ATXN7L1: variants seen among roughly 807,000 people sequenced by gnomAD.
ATXN7L1 encodes ataxin 7 like 1.
Under a neutral mutation model 70.8 loss-of-function variants are expected in ATXN7L1, and 15 were observed. That is an observed-to-expected ratio of 0.21 (90% CI 0.14 to 0.33). The LOEUF (loss-of-function observed/expected upper bound fraction) is 0.33. Ranked by LOEUF, ATXN7L1 falls within the 10% of genes least tolerant of loss-of-function variation. ATXN7L1 has a pLI of 1.00. For synonymous variants in ATXN7L1, 440 were observed against 445.1 expected (o/e 0.99, Z 0.14); for missense variants, 975 against 1,097.1 (o/e 0.89, Z 1.57).
intron 4 of ATXN7L1, among the ~76,000 whole-genome samples, chr7:105,662,045 TCC>T (rs1801726916): frequency 8.4e-6 from 1 of 119,204 alleles, no homozygotes; most frequent in Non-Finnish European, 1.8e-5. Flanking sequence ...CTTCCTTCCT[TCC>T]TTCCTTCCTT....
chr7:105,635,418 C>T (rs553329836), intron 7 of ATXN7L1, among the ~76,000 whole-genome samples: 13 of 152,256 alleles, frequency 8.5e-5, no homozygotes, highest in Non-Finnish European at 1.6e-4. Context: ...GCATTCACTG[C>T]CTTTGCCTTC....
chr7:105,727,773 TATATACAC>T (rs1259350765), intron 3 of ATXN7L1, among the ~76,000 whole-genome samples: 7 of 124,246 alleles, frequency 5.6e-5, no homozygotes, highest in African/African-American at 2.2e-4. Flanking sequence ...TATATATATA[TATATACAC>T]ACACATACAC....
intron 2 of ATXN7L1, among the ~76,000 whole-genome samples, chr7:105,826,055 C>A (rs552250498): frequency 1.3e-5 from 2 of 151,732 alleles, no homozygotes; most frequent in Admixed American, 1.3e-4. Context: ...ATATATATAC[C>A]CTTTATAGAG....
chr7:105,667,128 G>A (rs1235481360), intron 3 of ATXN7L1, among the ~76,000 whole-genome samples: 5 of 152,192 alleles, frequency 3.3e-5, no homozygotes, highest in African/African-American at 1.2e-4. Flanking sequence ...GGGGGAATTC[G>A]TCCTTTGTAA....
chr7:105,676,752 A>G (rs554448464), intron 3 of ATXN7L1, among the ~76,000 whole-genome samples: 1 of 152,272 alleles, frequency 6.6e-6, no homozygotes, highest in East Asian at 1.9e-4. Context: ...AGGCAGGAGA[A>G]TCGCTTGAAC....
At position 105,613,842 on chromosome 7, in the gene ATXN7L1, G is replaced by C; in HGVS notation, c.2472+20C>G. The stretch of plus-strand genomic sequence containing the variant: ...CCTGCCCCCCAGAGCCGGTGAAGGC[G>C]GTGCCAGGAGGTCCCTTACCTGCCG... On this transcript the variant is annotated intron_variant, in intron 10 of 11. Coordinates refer to ENST00000419735, the MANE Select transcript of ATXN7L1 (RefSeq NM_020725.2). 4.5e-6 allele frequency: 7 copies of C among 1,551,780 alleles called. No homozygotes were observed. Among genetic ancestry groups the C allele is most frequent in the Non-Finnish European group, 6.1e-6 (7 of 1,147,022 alleles).
chr7:105,637,411 G>A (rs528806049), intron 7 of ATXN7L1, among the ~76,000 whole-genome samples: 6 of 152,242 alleles, frequency 3.9e-5, no homozygotes, highest in East Asian at 1.9e-4. Context: ...AGATAATACC[G>A]TTATCTGCAC....
At chr7:105,862,738 G>C (rs973006935) in intron 2 of ATXN7L1, among the ~76,000 whole-genome samples, 1 of 152,174 alleles carries the variant, frequency 6.6e-6, no homozygotes, top group Non-Finnish European at 1.5e-5. Flanking sequence ...GGTGACACCA[G>C]CTCCTCTGGG....
chr7:105,851,118 C>T (rs1490199531), intron 2 of ATXN7L1, among the ~76,000 whole-genome samples: 1 of 152,130 alleles, frequency 6.6e-6, no homozygotes, highest in Admixed American at 6.5e-5. Context: ...ATTTCTCAGA[C>T]CTGCCCTCTC....
chr7:105,641,710 G>T (rs758690258), intron 5 of ATXN7L1, among the ~76,000 whole-genome samples: 5 of 152,246 alleles, frequency 3.3e-5, no homozygotes, highest in Admixed American at 1.3e-4. Flanking sequence ...GCTCCCGCCC[G>T]AACTGTGAGG....
chr7:105,789,828 GGCAA>G (rs1475364350), intron 2 of ATXN7L1, among the ~76,000 whole-genome samples: 4 of 151,862 alleles, frequency 2.6e-5, no homozygotes, highest in African/African-American at 9.7e-5. Context: ...TCAGTTACGT[GGCAA>G]TACCTCCGAG....
intron 3 of ATXN7L1, among the ~76,000 whole-genome samples, chr7:105,725,015 T>A (rs1408211863): frequency 6.6e-6 from 1 of 152,072 alleles, no homozygotes; most frequent in Non-Finnish European, 1.5e-5. Context: ...TGGTGCCCTA[T>A]AAAGATTGGT....
chr7:105,840,112 C>G lies in ATXN7L1; in HGVS notation c.250+35700G>C, dbSNP rs1812984189. 2.0e-5 allele frequency among the ~76,000 whole-genome samples: 3 copies of G among 152,310 alleles called. No homozygotes were observed. The South Asian group carries it at 6.2e-4, about 32-fold the overall frequency. ...CAGGGACTCTGCCGGCAGGCAGTGG[C>G]TGGGCCTGGGAGGGCCCACAAGGGC... On this transcript the variant is annotated intron_variant, in intron 2 of 11. Coordinates refer to ENST00000419735, the MANE Select transcript of ATXN7L1 (RefSeq NM_020725.2).
In ATXN7L1 at chr7:105,649,420, G is replaced by T. The variant is rs181502766; in HGVS notation, c.579-6299C>A. The T allele has an allele frequency of 3.0e-5, 30 of 987,622 alleles. No homozygotes were observed. In the African/African-American group the frequency reaches 4.2e-4, roughly 14 times the overall value. 61.2% of individuals were successfully genotyped at this position (987,622 alleles called of 1,614,324 possible). On this transcript the variant is annotated intron_variant, in intron 4 of 11. Coordinates refer to ENST00000419735, the MANE Select transcript of ATXN7L1 (RefSeq NM_020725.2). The stretch of plus-strand genomic sequence containing the variant: ...GGCGATATCTACCTCTGTTTCTTTT[G>T]TGCTGCTTTAGTTGCCCACGTCTTC...
At chr7:105,811,771 A>G (rs1808471795) in intron 2 of ATXN7L1, among the ~76,000 whole-genome samples, 1 of 152,140 alleles carries the variant, frequency 6.6e-6, no homozygotes, top group African/African-American at 2.4e-5. Context: ...TCTGAGTTGG[A>G]GCAGCCCAGG....
chr7:105,794,446 TA>T, intron 2 of ATXN7L1, among the ~76,000 whole-genome samples: 1 of 152,356 alleles, frequency 6.6e-6, no homozygotes, highest in Admixed American at 6.5e-5. Flanking sequence ...CGGCATCCAC[TA>T]CAAACCAGGA....
At chr7:105,864,493 G>A (rs1216692101) in intron 2 of ATXN7L1, among the ~76,000 whole-genome samples, 1 of 144,694 alleles carries the variant, frequency 6.9e-6, no homozygotes, top group Non-Finnish European at 1.5e-5. Flanking sequence ...GGACATTCCT[G>A]GTTCCTGTGC....
chr7:105,699,745 T>C (rs1792202020), intron 3 of ATXN7L1, among the ~76,000 whole-genome samples: 1 of 152,202 alleles, frequency 6.6e-6, no homozygotes, highest in African/African-American at 2.4e-5. Context: ...ACCATGATGA[T>C]TGCCCCATCA....
rs1279858721 is a variant in ATXN7L1, at chr7:105,642,922, C to T, written c.778G>A (p.Gly260Ser). Residue 260 changes from glycine (G) to serine (S), a missense_variant, in exon 5 of 12, where the codon GGC (glycine) becomes AGC (serine). By Grantham distance (56) the Gly-to-Ser change is moderately conservative. This residue lies in a region of ATXN7L1 where 192 missense variants were observed against 215.5 expected (regional missense o/e 0.89). Coordinates refer to ENST00000419735, the MANE Select transcript of ATXN7L1 (RefSeq NM_020725.2). ...VPPSPEKILN[G>S]KGILPTTIDK... Reference sequence around the variant, plus strand: ...ATGGTGGTTGGCAGAATTCCTTTGCCATTTAAGATCTTCTCTGGTGAAGGT... The same window carrying T: ...ATGGTGGTTGGCAGAATTCCTTTGCTATTTAAGATCTTCTCTGGTGAAGGT... 5 of 1,551,636 alleles carry T rather than the reference C, an allele frequency of 3.2e-6. No individual in the cohort carries two copies. Among genetic ancestry groups the T allele is most frequent in the Admixed American group, 2.0e-5 (1 of 50,994 alleles).
Sources: gnomAD v4.1 joint callset for allele counts (sites outside exome capture counted in the v4.1 genomes callset) on GRCh38, gnomAD v4.1.1 for gene constraint, gnomAD v4.1.1 regional missense constraint, MANE v1.5 for transcripts, NCBI Gene and HGNC (gene_info 2026-07-23, HGNC 2026-07-21) for gene names.